TMCC1: variants seen among roughly 807,000 people sequenced by gnomAD.
TMCC1 encodes transmembrane and coiled-coil domains protein 1.
A neutral mutation model predicts 52.4 loss-of-function variants in TMCC1; 15 were observed. That is an observed-to-expected ratio of 0.29 (90% CI 0.19 to 0.44). The LOEUF (loss-of-function observed/expected upper bound fraction) is 0.44, where lower values mean the gene tolerates loss of function less well. Among genes scored for constraint, TMCC1 ranks in the 20% least tolerant of loss-of-function variants. The probability of loss-of-function intolerance (pLI) is 1.00; values close to 1 mark genes in which losing one functional copy is unlikely to be tolerated. For synonymous variants in TMCC1, 279 were observed against 301.9 expected (o/e 0.92, Z 0.79); for missense variants, 503 against 806.0 (o/e 0.62, Z 4.55).
At chr3:129,734,332 CAT>C (rs2050771447) in intron 4 of TMCC1, among the ~76,000 whole-genome samples, 1 of 152,118 alleles carries the variant, frequency 6.6e-6, no homozygotes, top group Admixed American at 6.5e-5. Flanking sequence ...ACTTGCATAA[CAT>C]GTAGAAGAGA....
At chr3:129,790,217 G>C (rs919811926) in intron 4 of TMCC1, among the ~76,000 whole-genome samples, 10 of 152,148 alleles carry the variant, frequency 6.6e-5, no homozygotes, top group Admixed American at 1.3e-4. Flanking sequence ...AAATAAATGT[G>C]AACTCCAAAC....
intron 4 of TMCC1, among the ~76,000 whole-genome samples, chr3:129,729,945 A>G (rs575600768): frequency 7.2e-5 from 11 of 152,306 alleles, no homozygotes; most frequent in Non-Finnish European, 1.3e-4. Context: ...CAGCCTGGCC[A>G]ACGAGTGAGA....
intron 4 of TMCC1, among the ~76,000 whole-genome samples, chr3:129,773,244 T>C (rs183667702): frequency 6.6e-6 from 1 of 152,320 alleles, no homozygotes; most frequent in Non-Finnish European, 1.5e-5. Flanking sequence ...TATATCAAGC[T>C]AAAAAGAAAC....
chr3:129,876,739 G>A (rs1001682042), intron 2 of TMCC1, among the ~76,000 whole-genome samples: 2 of 152,298 alleles, frequency 1.3e-5, no homozygotes, highest in Admixed American at 6.5e-5. Flanking sequence ...AGGATCACAA[G>A]GTCAAGAGAT....
intron 4 of TMCC1, among the ~76,000 whole-genome samples, chr3:129,725,003 T>C (rs1477719807): frequency 2.6e-5 from 4 of 152,230 alleles, no homozygotes; most frequent in Non-Finnish European, 5.9e-5. Context: ...CTTACTAATA[T>C]TGGATTTTAA....
intron 2 of TMCC1, among the ~76,000 whole-genome samples, chr3:129,840,578 G>A (rs966316435): frequency 6.6e-6 from 1 of 152,104 alleles, no homozygotes. Flanking sequence ...ATCTTGAATT[G>A]TAATCCACAC....
At chr3:129,663,131 T>C (rs1215765789) in intron 5 of TMCC1, among the ~76,000 whole-genome samples, 1 of 152,124 alleles carries the variant, frequency 6.6e-6, no homozygotes, top group Non-Finnish European at 1.5e-5. Context: ...CCAGGGGCCT[T>C]TTGTGTCAAA....
At chr3:129,788,331 A>C (rs1167290175) in intron 4 of TMCC1, among the ~76,000 whole-genome samples, 2 of 152,230 alleles carry the variant, frequency 1.3e-5, no homozygotes, top group Admixed American at 6.5e-5. Flanking sequence ...AAAGCATTTC[A>C]GAATTATACA....
chr3:129,761,743 C>T (rs1225324081), intron 4 of TMCC1, among the ~76,000 whole-genome samples: 1 of 152,096 alleles, frequency 6.6e-6, no homozygotes, highest in East Asian at 1.9e-4. Flanking sequence ...GTAATCCCTG[C>T]ACTTTGGGAC....
rs984057586 is a variant in TMCC1, at chr3:129,880,495, T to C, written c.-370A>G. 2.0e-5 allele frequency: 3 copies of C among 152,198 alleles called. No individual in the cohort carries two copies. Among genetic ancestry groups the C allele is most frequent in the Non-Finnish European group, 4.4e-5 (3 of 68,042 alleles). 9.4% of individuals were successfully genotyped at this position (152,198 alleles called of 1,614,324 possible). ...TAAATCTTGTGACCAAAGGCAACTG[T>C]TCACCGAGCGTCAGCATCTGAAGAA... On this transcript the variant is annotated 5_prime_UTR_variant, in exon 2 of 7. Coordinates refer to ENST00000393238, the MANE Select transcript of TMCC1 (RefSeq NM_001017395.5).
chr3:129,680,883 G>C (rs1001713784), intron 4 of TMCC1, among the ~76,000 whole-genome samples: 1 of 149,714 alleles, frequency 6.7e-6, no homozygotes, highest in African/African-American at 2.5e-5. Context: ...CTGGGTGATA[G>C]AGCAAGACTC....
chr3:129,796,789 C>T (rs564880239), intron 4 of TMCC1, among the ~76,000 whole-genome samples: 1 of 152,162 alleles, frequency 6.6e-6, no homozygotes, highest in African/African-American at 2.4e-5. Context: ...TGCAGTGAGG[C>T]ATGATGCTCC....
At chr3:129,809,281 T>C (rs1024173354) in intron 4 of TMCC1, among the ~76,000 whole-genome samples, 3 of 149,580 alleles carry the variant, frequency 2.0e-5, no homozygotes, top group Admixed American at 6.7e-5. Flanking sequence ...TGGAAGATTA[T>C]ATTAAATAAA....
intron 4 of TMCC1, among the ~76,000 whole-genome samples, chr3:129,701,302 T>C (rs1047511730): frequency 6.6e-6 from 1 of 152,246 alleles, no homozygotes; most frequent in Non-Finnish European, 1.5e-5. Flanking sequence ...GCAAATCAGT[T>C]GGCTGTGCAT....
At chr3:129,791,076 T>C (rs2056420971) in intron 4 of TMCC1, among the ~76,000 whole-genome samples, 1 of 149,962 alleles carries the variant, frequency 6.7e-6, no homozygotes, top group Non-Finnish European at 1.5e-5. Flanking sequence ...AGAGAATGAT[T>C]GACACTCCAT....
At chr3:129,721,583 G>A (rs768235163) in intron 4 of TMCC1, among the ~76,000 whole-genome samples, 6 of 151,808 alleles carry the variant, frequency 4.0e-5, no homozygotes, top group South Asian at 2.1e-4. Context: ...TGTGCAGGCC[G>A]GGTGTAGTGG....
intron 4 of TMCC1, among the ~76,000 whole-genome samples, chr3:129,717,532 A>G (rs373260558): frequency 6.6e-6 from 1 of 152,152 alleles, no homozygotes; most frequent in Non-Finnish European, 1.5e-5. Context: ...TCCCACTTAG[A>G]TGGCTGATGG....
chr3:129,666,686 G>C (rs1249418451), intron 5 of TMCC1, among the ~76,000 whole-genome samples: 1 of 152,114 alleles, frequency 6.6e-6, no homozygotes, highest in Non-Finnish European at 1.5e-5. Context: ...GTTGCAGCAA[G>C]TCAAGATCGC....
At chr3:129,852,252 T>C (rs979635221) in intron 2 of TMCC1, among the ~76,000 whole-genome samples, 2 of 152,016 alleles carry the variant, frequency 1.3e-5, no homozygotes, top group Non-Finnish European at 2.9e-5. Flanking sequence ...AGGTCAGGAA[T>C]TTGAGACCAG....
Sources: allele counts gnomAD v4.1 joint callset (sites outside exome capture counted in the v4.1 genomes callset), GRCh38; gene constraint gnomAD v4.1.1; transcripts MANE v1.5; gene names NCBI Gene and HGNC (gene_info 2026-07-23, HGNC 2026-07-21).